CDKL2: variants seen among roughly 807,000 people sequenced by gnomAD.
CDKL2 encodes cyclin dependent kinase like 2.
A neutral mutation model predicts 63.9 loss-of-function variants in CDKL2; 64 were observed. The ratio of observed to expected loss-of-function variants is 1.00; its 90% CI spans 0.82 to 1.23. The LOEUF (loss-of-function observed/expected upper bound fraction) is 1.23, where lower values mean the gene tolerates loss of function less well. CDKL2 is among the 50% of genes most tolerant of loss of function. CDKL2 has a pLI of 0.00. For missense variants in CDKL2, 656 were observed against 668.0 expected, an observed-to-expected ratio of 0.98 and a Z score of 0.20; for synonymous variants, 211 against 229.2, an observed-to-expected ratio of 0.92 and a Z score of 0.72.
intron 3 of CDKL2, 97 bp downstream of exon 3, chr4:75,614,158 T>C: frequency 1.4e-6 from 1 of 739,364 alleles, no homozygotes; most frequent in Non-Finnish European, 2.2e-6. Flanking sequence ...TATACTGATG[T>C]CTGCAACTTA....
chr4:75,627,729 TTC>T (rs1161546561), intron 1 of CDKL2, among the ~76,000 whole-genome samples: 22 of 86,502 alleles, frequency 2.5e-4, no homozygotes, highest in South Asian at 6.9e-4. Context: ...TACTTTTTTT[TTC>T]TTTTTTTTTT....
chr4:75,610,927 C>A (rs768262726), intron 3 of CDKL2, among the ~76,000 whole-genome samples: 3 of 152,186 alleles, frequency 2.0e-5, no homozygotes, highest in Non-Finnish European at 4.4e-5. Flanking sequence ...GCCCAGAAAA[C>A]AAAACCTTAA....
At position 75,605,577 on chromosome 4, in the gene CDKL2, G is replaced by C. The variant is rs779305191; in HGVS notation, c.600C>G (p.Pro200=). Residue 200 remains proline, a synonymous_variant, in exon 5 of 14, where the codon CCC becomes CCG. Transcript: ENST00000307465. ...CAATATCAGAATCTCCAGGAAATAG[G>C]GGTTCCCCCATGAACATTTCAGTTA... ...CLVTEMFMGE[P]LFPGDSDIDQ... is the part of the protein sequence containing the mutation. 2.5e-6 allele frequency: 4 copies of C among 1,613,390 alleles called. No individual in the cohort carries two copies. The highest frequency in any genetic ancestry group is 3.4e-6 in the Non-Finnish European group (4 of 1,179,556).
chr4:75,598,148 AT>A lies in CDKL2; in HGVS notation c.948del (p.Lys316AsnfsTer15). 1 of 1,548,542 alleles carries A rather than the reference AT, an allele frequency of 6.5e-7. No individual in the cohort carries two copies. Among genetic ancestry groups the A allele is most frequent in the Non-Finnish European group, 8.8e-7 (1 of 1,134,702 alleles). On this transcript the variant is annotated frameshift_variant, in exon 8 of 14. Coordinates refer to ENST00000307465, the MANE Select transcript of CDKL2 (RefSeq NM_001330724.2). LOFTEE classifies it high-confidence loss of function. Reference sequence around the variant, plus strand: ...TCTTTTTCCTTCTTTCTGTTTTGGGATTTTTTAGATAAAGAAACATTTCTGG... The same window carrying A: ...TCTTTTTCCTTCTTTCTGTTTTGGGATTTTTAGATAAAGAAACATTTCTGG... ...KDARNVSLSK[K>X]SQNRKKEKEK... is the part of the protein sequence containing the mutation.
chr4:75,589,420 T>A (rs992842945), intron 12 of CDKL2, among the ~76,000 whole-genome samples: 9 of 145,606 alleles, frequency 6.2e-5, no homozygotes, highest in Non-Finnish European at 9.0e-5. Context: ...TTCTCCTGCC[T>A]CAGCCTCCCA....
In CDKL2 at chr4:75,605,609, A is replaced by G; in HGVS notation, c.568T>C (p.Cys190Arg). 6 of 1,613,584 alleles carry G rather than the reference A, an allele frequency of 3.7e-6. No individual in the cohort carries two copies. Among genetic ancestry groups the G allele is most frequent in the Non-Finnish European group, 5.1e-6 (6 of 1,179,488 alleles). The change falls in exon 5 of 14, where the codon TGT (cysteine) becomes CGT (arginine). Residue 190 changes from cysteine (C) to arginine (R), a missense_variant. Coordinates refer to ENST00000307465, the MANE Select transcript of CDKL2 (RefSeq NM_001330724.2). ...GKAVDVWAIG[C>R]LVTEMFMGEP... ...CCCATGAACATTTCAGTTACCAGAC[A>G]ACCAATGGCCCACACATCAACAGCC...
chr4:75,613,030 C>A (rs1223527319), intron 3 of CDKL2, among the ~76,000 whole-genome samples: 4 of 151,880 alleles, frequency 2.6e-5, no homozygotes, highest in Non-Finnish European at 5.9e-5. Flanking sequence ...GAGGCTGAGG[C>A]CGGAGAATGG....
chr4:75,595,539 TG>T (rs1313907066), intron 10 of CDKL2, among the ~76,000 whole-genome samples: 1 of 151,274 alleles, frequency 6.6e-6, no homozygotes, highest in Non-Finnish European at 1.5e-5. Context: ...ACCAAAAATC[TG>T]GTGTGGGTGA....
At chr4:75,606,765 A>C (rs943072079) in intron 4 of CDKL2, among the ~76,000 whole-genome samples, 1 of 152,234 alleles carries the variant, frequency 6.6e-6, no homozygotes, top group African/African-American at 2.4e-5. Flanking sequence ...AAAAGCAGTA[A>C]AAGTTACAAC....
Position 75,623,326 on chromosome 4 carries a change from G to A in CDKL2, c.168+2495C>T, listed in dbSNP as rs181153775. On this transcript the variant is annotated intron_variant, in intron 2 of 13. Coordinates refer to ENST00000307465, the MANE Select transcript of CDKL2 (RefSeq NM_001330724.2). ...ATAAACATGATTGTGGGCTACTGGC[G>A]CAAGCTTAAACAAATAGACCAATGG... is the stretch of plus-strand genomic sequence containing the variant. 3.7e-3 allele frequency among the ~76,000 whole-genome samples: 563 copies of A among 152,188 alleles called. 2 individuals carry two copies. Among genetic ancestry groups the A allele is most frequent in the Non-Finnish European group, 3.9e-3 (262 of 68,004 alleles).
intron 12 of CDKL2, among the ~76,000 whole-genome samples, chr4:75,585,677 T>C (rs1373909575): frequency 1.3e-5 from 2 of 152,058 alleles, no homozygotes; most frequent in African/African-American, 4.8e-5. Context: ...TCCCAGCACT[T>C]TGGGAGGCCG....
chr4:75,629,454 C>CT, intron 1 of CDKL2, among the ~76,000 whole-genome samples: 1 of 152,316 alleles, frequency 6.6e-6, no homozygotes, highest in African/African-American at 2.4e-5. Flanking sequence ...GTATCACAGC[C>CT]TACAAAGCCT....
At chr4:75,629,599 A>G (rs1441694540) in intron 1 of CDKL2, among the ~76,000 whole-genome samples, 4 of 152,252 alleles carry the variant, frequency 2.6e-5, no homozygotes, top group Admixed American at 1.3e-4. Flanking sequence ...AAAAGCAACA[A>G]TTTTGATAAA....
intron 13 of CDKL2, among the ~76,000 whole-genome samples, chr4:75,579,848 TC>T: frequency 6.6e-6 from 1 of 152,332 alleles, no homozygotes; most frequent in East Asian, 1.9e-4. Flanking sequence ...GCAAAGACTC[TC>T]CCACGGCCTT....
At chr4:75,609,225 T>C (rs549819052) in intron 3 of CDKL2, among the ~76,000 whole-genome samples, 2 of 152,104 alleles carry the variant, frequency 1.3e-5, no homozygotes, top group South Asian at 4.1e-4. Flanking sequence ...CAATTAGAAA[T>C]GTAAAGAGTA....
chr4:75,577,919 G>C lies in CDKL2; in HGVS notation c.*1283C>G, dbSNP rs1203182884. 6.8e-6 allele frequency: 1 copy of C among 146,444 alleles called. No individual in the cohort carries two copies. The highest frequency in any genetic ancestry group is 1.5e-5 in the Non-Finnish European group (1 of 66,898). The allele number at this position is 146,444 out of a possible 1,614,324, so 9.1% of individuals were successfully genotyped here. A position where few individuals can be genotyped will look rare whatever the true frequency, so the allele number is the denominator to read the frequency against. On this transcript the variant is annotated 3_prime_UTR_variant, in exon 14 of 14. Coordinates refer to ENST00000307465, the MANE Select transcript of CDKL2 (RefSeq NM_001330724.2). Reference sequence around the variant, plus strand: ...AAGCTCCTCAGAGTAATAAAGAAAAGTTCTAGTTAAATTCTTCAGCTAAGT... The same window carrying C: ...AAGCTCCTCAGAGTAATAAAGAAAACTTCTAGTTAAATTCTTCAGCTAAGT...
In CDKL2 at chr4:75,576,904, C is replaced by A. The variant is rs574207597; in HGVS notation, c.*2298G>T. The stretch of plus-strand genomic sequence containing the variant: ...AAACCAGGTTCTGTCACAACTATTA[C>A]CAGTTAGTCTTTATAAGAAATGTTA... On this transcript the variant is annotated 3_prime_UTR_variant, in exon 14 of 14. Coordinates refer to ENST00000307465, the MANE Select transcript of CDKL2 (RefSeq NM_001330724.2). Among the ~76,000 whole-genome samples the A allele has an allele frequency of 6.6e-6, 1 of 152,260 alleles. No individual in the cohort carries two copies. Among genetic ancestry groups the A allele is most frequent in the East Asian group, 1.9e-4 (1 of 5,188 alleles).
chr4:75,597,106 C>A lies in CDKL2; in HGVS notation c.1151G>T (p.Ser384Ile), dbSNP rs765336114. Residue 384 changes from serine (S) to isoleucine (I), a missense_variant, in exon 9 of 14, where the codon AGC (serine) becomes ATC (isoleucine). Transcript: ENST00000307465. ...TGTTGAAGGCACTATTTTGTTGTGG[C>A]TTGTCCTACTGTCATGGAGACAGCT... ...NASCLHDSRT[S>I]HNKIVPSTSL... 5.0e-6 allele frequency: 8 copies of A among 1,614,122 alleles called. No homozygotes were observed. Among genetic ancestry groups the A allele is most frequent in the Non-Finnish European group, 6.8e-6 (8 of 1,180,016 alleles).
chr4:75,595,001 A>T (rs1040204622), intron 10 of CDKL2, among the ~76,000 whole-genome samples: 1 of 152,078 alleles, frequency 6.6e-6, no homozygotes, highest in East Asian at 1.9e-4. Context: ...TTCAAAAGAG[A>T]AACATTCTGG....
Sources: gnomAD v4.1 joint callset for allele counts (sites outside exome capture counted in the v4.1 genomes callset) on GRCh38, gnomAD v4.1.1 for gene constraint, MANE v1.5 for transcripts, NCBI Gene and HGNC (gene_info 2026-07-23, HGNC 2026-07-21) for gene names.